DSCAML1: variants seen among roughly 807,000 people sequenced by gnomAD.
The protein encoded by DSCAML1 is cell adhesion molecule DSCAML1.
In DSCAML1, 38 loss-of-function variants were observed where a neutral mutation model predicts 200.5. The observed-to-expected ratio is 0.19, with a 90% CI of 0.15 to 0.25. The LOEUF is 0.25. DSCAML1 is among the 10% of genes least tolerant of loss of function. The pLI is 1.00. For missense variants in DSCAML1, 2,223 were observed against 2,858.8 expected (o/e 0.78, Z 5.07); for synonymous variants, 1,215 against 1,165.0 (o/e 1.04, Z -0.87).
chr11:117,536,971 C>G (rs2050183227), intron 3 of DSCAML1, among the ~76,000 whole-genome samples: 2 of 152,258 alleles, frequency 1.3e-5, no homozygotes, highest in Non-Finnish European at 2.9e-5. Context: ...TCCCCACAAC[C>G]CTTTGAAATG....
chr11:117,734,194 C>G (rs2054278068), intron 3 of DSCAML1, among the ~76,000 whole-genome samples: 1 of 152,232 alleles, frequency 6.6e-6, no homozygotes, highest in South Asian at 2.1e-4. Context: ...CTCACCTCTC[C>G]AAGTTACTGC....
intron 3 of DSCAML1, among the ~76,000 whole-genome samples, chr11:117,566,347 T>C (rs936085249): frequency 5.4e-5 from 6 of 111,624 alleles, no homozygotes; most frequent in Admixed American, 5.3e-4. Context: ...TCTTTCTCTC[T>C]CTCTCTCTCT....
At chr11:117,627,173 C>T (rs185933172) in intron 3 of DSCAML1, among the ~76,000 whole-genome samples, 257 of 152,262 alleles carry the variant, frequency 1.7e-3, no homozygotes, top group Non-Finnish European at 2.6e-3. Flanking sequence ...TCTTCTCTTG[C>T]GGATGTGACC....
intron 3 of DSCAML1, among the ~76,000 whole-genome samples, chr11:117,554,893 T>C (rs1372500419): frequency 6.6e-6 from 1 of 152,170 alleles, no homozygotes; most frequent in South Asian, 2.1e-4. Flanking sequence ...GGGTTTTCGT[T>C]ACATACAGCC....
rs965558489 is a variant in DSCAML1 at position 117,505,289 on chromosome 11, G to A, written c.2062+165C>T. Among the ~76,000 whole-genome samples, 1 of 152,124 alleles carries A rather than the reference G, an allele frequency of 6.6e-6. No homozygotes were observed. Among genetic ancestry groups the A allele is most frequent in the Non-Finnish European group, 1.5e-5 (1 of 68,022 alleles). Reference sequence around the variant, plus strand: ...CAAGTGTCTCTCTGCTCAGGGCTTCGGTTTCCTGCCCTGGAAAATAAGAGG... The same window carrying A: ...CAAGTGTCTCTCTGCTCAGGGCTTCAGTTTCCTGCCCTGGAAAATAAGAGG... On this transcript the variant is annotated intron_variant, in intron 9 of 32. Coordinates refer to ENST00000651296, the MANE Select transcript of DSCAML1 (RefSeq NM_020693.4). This position sits in a 1 kb window ranked among gnomAD's most constrained non-coding sequence, Gnocchi z 6.7.
intron 3 of DSCAML1, among the ~76,000 whole-genome samples, chr11:117,538,872 C>T (rs2050213503): frequency 6.6e-6 from 1 of 152,026 alleles, no homozygotes; most frequent in Non-Finnish European, 1.5e-5. Flanking sequence ...ACTGCAGTCT[C>T]TAGAGCAAAG....
chr11:117,436,540 ATGTGTGCACG>A (rs1350473877), intron 26 of DSCAML1, among the ~76,000 whole-genome samples: 1 of 143,766 alleles, frequency 7.0e-6, no homozygotes, highest in African/African-American at 2.5e-5. Context: ...ATGTGTGTGT[ATGTGTGCACG>A]TGTGTATGTA....
At chr11:117,759,468 G>A (rs1262914334) in intron 3 of DSCAML1, among the ~76,000 whole-genome samples, 1 of 152,186 alleles carries the variant, frequency 6.6e-6, no homozygotes, top group East Asian at 1.9e-4. Context: ...TCGTCCCCAG[G>A]GCTGGAAGGC....
chr11:117,605,815 A>G (rs1362419918), intron 3 of DSCAML1, among the ~76,000 whole-genome samples: 7 of 152,154 alleles, frequency 4.6e-5, no homozygotes, highest in African/African-American at 1.7e-4. Flanking sequence ...TGGGATCTTT[A>G]CAGCCATGCC....
intron 4 of DSCAML1, among the ~76,000 whole-genome samples, chr11:117,530,181 G>C (rs1247213924): frequency 6.6e-6 from 1 of 152,064 alleles, no homozygotes; most frequent in Non-Finnish European, 1.5e-5. Context: ...CCGGAAGCTG[G>C]TGGTGAAAGA....
chr11:117,452,891 C>T (rs1445875684), intron 19 of DSCAML1, among the ~76,000 whole-genome samples: 1 of 152,116 alleles, frequency 6.6e-6, no homozygotes, highest in East Asian at 1.9e-4. Flanking sequence ...CTTCCATTTA[C>T]CCTGTCCCAA....
At chr11:117,702,594 C>T (rs933783716) in intron 3 of DSCAML1, among the ~76,000 whole-genome samples, 3 of 152,042 alleles carry the variant, frequency 2.0e-5, no homozygotes, top group Admixed American at 2.0e-4. Context: ...AAAATGAGGA[C>T]TATGTCTTAG....
chr11:117,655,398 A>G (rs1373920101), intron 3 of DSCAML1, among the ~76,000 whole-genome samples: 1 of 152,226 alleles, frequency 6.6e-6, no homozygotes, highest in Non-Finnish European at 1.5e-5. Context: ...AGGTACTTAC[A>G]ACAGCCTTAT....
chr11:117,572,409 G>C (rs914923573), intron 3 of DSCAML1, among the ~76,000 whole-genome samples: 10 of 152,194 alleles, frequency 6.6e-5, no homozygotes, highest in South Asian at 2.1e-4. Flanking sequence ...CAGGGTTCCT[G>C]ATGTTCAACC....
intron 3 of DSCAML1, among the ~76,000 whole-genome samples, chr11:117,754,225 C>A (rs1362388361): frequency 6.6e-6 from 1 of 152,174 alleles, no homozygotes; most frequent in East Asian, 1.9e-4. Flanking sequence ...CATCCAGCAC[C>A]AATCACTCCA....
chr11:117,448,389 T>G (rs2048221125), intron 20 of DSCAML1, among the ~76,000 whole-genome samples: 1 of 152,128 alleles, frequency 6.6e-6, no homozygotes. Flanking sequence ...CCAGGCACAG[T>G]GTTCAGCCTC....
chr11:117,735,254 C>A (rs537177483), intron 3 of DSCAML1, among the ~76,000 whole-genome samples: 1 of 152,316 alleles, frequency 6.6e-6, no homozygotes, highest in South Asian at 2.1e-4. Context: ...AGCCCAGGAA[C>A]GCCAAAGAGT....
chr11:117,433,554 G>GCA, intron 27 of DSCAML1, 83 bp from the exon 28 acceptor site: 4 of 1,494,430 alleles, frequency 2.7e-6, no homozygotes, highest in Non-Finnish European at 3.7e-6. Flanking sequence ...GGGAAACAAG[G>GCA]TGGAGAATTC....
At chr11:117,470,051 A>G in intron 15 of DSCAML1, 71 bp from the exon 16 acceptor site, 1 of 1,399,414 alleles carries the variant, frequency 7.1e-7, no homozygotes, top group East Asian at 2.5e-5. Context: ...CTATGTTCCC[A>G]CTCCCACCCT....
Sources: gnomAD v4.1 joint callset for allele counts (sites outside exome capture counted in the v4.1 genomes callset) on GRCh38, gnomAD v4.1.1 for gene constraint, Gnocchi (gnomAD v3.1) non-coding constraint, MANE v1.5 for transcripts, NCBI Gene and HGNC (gene_info 2026-07-23, HGNC 2026-07-21) for gene names.